Variants in CFAP20DC observed in about 807,000 individuals in gnomAD.
The protein encoded by CFAP20DC is CFAP20 domain containing.
A neutral mutation model predicts 101.7 loss-of-function variants in CFAP20DC; 84 were observed. The ratio of observed to expected loss-of-function variants is 0.83; its 90% confidence interval spans 0.69 to 0.99. The LOEUF is 0.99. Among genes scored for constraint, CFAP20DC ranks in the 50% least tolerant of loss-of-function variants. The probability of loss-of-function intolerance (pLI) is 0.00; values close to 1 mark genes in which losing one functional copy is unlikely to be tolerated. For missense variants in CFAP20DC, 1,007 were observed against 970.3 expected (o/e 1.04, Z -0.50); for synonymous variants, 359 against 351.2 (o/e 1.02, Z -0.25).
chr3:58,961,790 C>T (rs2091160792), intron 4 of CFAP20DC, among the ~76,000 whole-genome samples: 2 of 151,850 alleles, frequency 1.3e-5, no homozygotes, highest in East Asian at 1.9e-4. Flanking sequence ...TCCATGTCAA[C>T]CAAATTGTCT....
At chr3:58,907,887 G>C (rs1466231884) in intron 6 of CFAP20DC, among the ~76,000 whole-genome samples, 1 of 152,198 alleles carries the variant, frequency 6.6e-6, no homozygotes, top group African/African-American at 2.4e-5. Flanking sequence ...TTGAACCATA[G>C]TGTGCTTCCC....
chr3:59,019,869 T>C (rs1458199217), intron 4 of CFAP20DC, among the ~76,000 whole-genome samples: 1 of 152,088 alleles, frequency 6.6e-6, no homozygotes, highest in Non-Finnish European at 1.5e-5. Flanking sequence ...TTCATAACAA[T>C]ACTAACATGT....
chr3:58,742,481 C>G lies in CFAP20DC; in HGVS notation c.2424G>C (p.Gly808=). 1 of 1,606,230 alleles carries G rather than the reference C, an allele frequency of 6.2e-7. No individual in the cohort carries two copies. Among genetic ancestry groups the G allele is most frequent in the Non-Finnish European group, 8.5e-7 (1 of 1,176,170 alleles). The change falls in exon 17 of 17, where the codon GGG becomes GGC. Residue 808 remains glycine (G), a synonymous_variant. Transcript: ENST00000482387. ...GGCATTATACCAACTCATAGTATTT[C>G]CCTGTTTGGGGGTCAAAGTAACAGT... The part of the protein sequence containing the change: ...CLNCYFDPQT[G]KYYELV
At chr3:58,982,243 C>T (rs539667284) in intron 4 of CFAP20DC, among the ~76,000 whole-genome samples, 4 of 152,266 alleles carry the variant, frequency 2.6e-5, no homozygotes, top group African/African-American at 9.6e-5. Context: ...AATAGGAACA[C>T]TTTTACACTG....
chr3:59,046,252 A>G lies in CFAP20DC; in HGVS notation c.182T>C (p.Leu61Ser), dbSNP rs1321288839. ...ACGGCTTTGCTTATTCTCCTTTGGT[A>G]ACTGAATTTTGTTTGTTTGGCTGCT... ...EGSSQTNKIQ[L>S]PKENKQSLGL... Residue 61 changes from leucine to serine, a missense_variant, in exon 3 of 17, where the codon TTA becomes TCA. By Grantham distance (145) the Leu-to-Ser change is moderately radical. Coordinates refer to ENST00000482387, the MANE Select transcript of CFAP20DC (RefSeq NM_001394063.1). 6.5e-7 allele frequency: 1 copy of G among 1,531,152 alleles called. No homozygotes were observed. Among genetic ancestry groups the G allele is most frequent in the African/African-American group, 1.4e-5 (1 of 72,908 alleles). 94.8% of individuals were successfully genotyped at this position (1,531,152 alleles called of 1,614,324 possible). A position where few individuals can be genotyped will look rare whatever the true frequency, so the allele number is the denominator to read the frequency against.
Position 58,849,274 on chromosome 3 carries a change from C to T in CFAP20DC, c.1729G>A (p.Ala577Thr). ...GAATCCTGGCTTTCTGTTGCTCCTG[C>T]TTCTGTGTAGGCGCTCCTTAGATAT... is the stretch of plus-strand genomic sequence containing the variant. Reference protein sequence around the residue: ...KEYLRSAYTEAGATESQDSSM... With the variant: ...KEYLRSAYTETGATESQDSSM... Residue 577 changes from alanine to threonine, a missense_variant, in exon 13 of 17, where the codon GCA (alanine) becomes ACA (threonine). Coordinates refer to ENST00000482387, the MANE Select transcript of CFAP20DC (RefSeq NM_001394063.1). 1 of 1,536,100 alleles carries T rather than the reference C, an allele frequency of 6.5e-7. No individual in the cohort carries two copies. The highest frequency in any genetic ancestry group is 2.4e-5 in the East Asian group (1 of 40,920).
chr3:58,823,957 A>G (rs900972702), intron 14 of CFAP20DC, among the ~76,000 whole-genome samples: 1 of 152,184 alleles, frequency 6.6e-6, no homozygotes, highest in Non-Finnish European at 1.5e-5. Flanking sequence ...TACTCTGAGA[A>G]TAAGAAAAGT....
At chr3:58,813,317 C>A (rs12635024) in intron 14 of CFAP20DC, among the ~76,000 whole-genome samples, 3 of 151,760 alleles carry the variant, frequency 2.0e-5, no homozygotes, top group Non-Finnish European at 4.4e-5. Context: ...TGTTCTATAA[C>A]GGGAAAAAAT....
chr3:58,915,999 C>T (rs1576291582), intron 5 of CFAP20DC, among the ~76,000 whole-genome samples: 1 of 152,002 alleles, frequency 6.6e-6, no homozygotes, highest in African/African-American at 2.4e-5. Flanking sequence ...CTCATTTTTT[C>T]CCTCAACATC....
Position 58,808,564 on chromosome 3 carries a change from C to G in CFAP20DC, c.2176-2108G>C, listed in dbSNP as rs113406203. 1.3e-3 allele frequency among the ~76,000 whole-genome samples: 203 copies of G among 152,130 alleles called. 2 individuals are homozygous for G. Among genetic ancestry groups the G allele is most frequent in the Admixed American group, 8.4e-3 (128 of 15,266 alleles). Reference sequence around the variant, plus strand: ...TGCCCTAAAAGAGCTCCTGAAGGAACCGCTAAACATGGAAAGGACCAACCA... The same window carrying G: ...TGCCCTAAAAGAGCTCCTGAAGGAAGCGCTAAACATGGAAAGGACCAACCA... On this transcript the variant is annotated intron_variant, in intron 14 of 16. Coordinates refer to ENST00000482387, the MANE Select transcript of CFAP20DC (RefSeq NM_001394063.1).
intron 15 of CFAP20DC, among the ~76,000 whole-genome samples, chr3:58,765,286 A>G (rs2070170001): frequency 6.6e-6 from 1 of 152,078 alleles, no homozygotes; most frequent in African/African-American, 2.4e-5. Flanking sequence ...ACATCTACAC[A>G]CACACACACG....
chr3:58,831,629 GA>G, intron 14 of CFAP20DC, 56 bp downstream of exon 14: 1 of 1,500,218 alleles, frequency 6.7e-7, no homozygotes, highest in Non-Finnish European at 9.2e-7. Flanking sequence ...GGATTTGTTA[GA>G]AAAAAGCTTG....
chr3:58,820,121 T>G (rs2075518482), intron 14 of CFAP20DC, among the ~76,000 whole-genome samples: 1 of 151,566 alleles, frequency 6.6e-6, no homozygotes, highest in South Asian at 2.1e-4. Context: ...CTGAATAAAT[T>G]AGGTATTGAT....
At chr3:58,811,475 A>G (rs567146741) in intron 14 of CFAP20DC, among the ~76,000 whole-genome samples, 1 of 152,272 alleles carries the variant, frequency 6.6e-6, no homozygotes, top group East Asian at 1.9e-4. Flanking sequence ...TATTTAATAA[A>G]TGGTGCTGGG....
At chr3:58,886,886 G>T (rs2081679491) in intron 6 of CFAP20DC, among the ~76,000 whole-genome samples, 1 of 152,098 alleles carries the variant, frequency 6.6e-6, no homozygotes, top group Non-Finnish European at 1.5e-5. Flanking sequence ...TTTTTAGAAT[G>T]TAGTGGGAAA....
intron 15 of CFAP20DC, among the ~76,000 whole-genome samples, chr3:58,770,548 T>A (rs2070751021): frequency 6.6e-6 from 1 of 152,250 alleles, no homozygotes; most frequent in South Asian, 2.1e-4. Flanking sequence ...TCCTGAAGGA[T>A]GAGAATGAGG....
chr3:58,845,333 C>T (rs2077533740), intron 13 of CFAP20DC, among the ~76,000 whole-genome samples: 1 of 151,952 alleles, frequency 6.6e-6, no homozygotes, highest in African/African-American at 2.4e-5. Flanking sequence ...AAGGGGATAT[C>T]ACCACCGATC....
Position 59,049,601 on chromosome 3 carries a change from T to G in CFAP20DC, c.21+10A>C. ...AGGTATAGACAGGTTGGAGAACCGT[T>G]TCGGGTTACCTGGTACTCATTTTTG... On this transcript the variant is annotated intron_variant, in intron 1 of 16. Transcript: ENST00000482387. The G allele has an allele frequency of 1.3e-6, 2 of 1,536,016 alleles. No individual in the cohort carries two copies. The highest frequency in any genetic ancestry group is 1.7e-6 in the Non-Finnish European group (2 of 1,146,802).
At chr3:58,906,971 C>T (rs1427243024) in intron 6 of CFAP20DC, among the ~76,000 whole-genome samples, 1 of 152,058 alleles carries the variant, frequency 6.6e-6, no homozygotes, top group Non-Finnish European at 1.5e-5. Flanking sequence ...AAGTAAACTT[C>T]TTAGGTCAGT....
Sources: gnomAD v4.1 joint callset for allele counts (sites outside exome capture counted in the v4.1 genomes callset) on GRCh38, gnomAD v4.1.1 for gene constraint, MANE v1.5 for transcripts, NCBI Gene and HGNC (gene_info 2026-07-23, HGNC 2026-07-21) for gene names.